INPP5A: variants seen among roughly 807,000 people sequenced by gnomAD.
INPP5A encodes inositol polyphosphate-5-phosphatase A, also known as 43 kDa inositol polyphosphate 5-phophatase.
Under a neutral mutation model 65.2 loss-of-function variants are expected in INPP5A, and 14 were observed. The observed-to-expected ratio is 0.21, with a 90% CI of 0.14 to 0.34. The LOEUF is 0.34. INPP5A is among the 10% of genes least tolerant of loss of function. The pLI is 1.00. For missense variants in INPP5A, 431 were observed against 545.6 expected (o/e 0.79, Z 2.09); for synonymous variants, 207 against 208.3 (o/e 0.99, Z 0.05).
chr10:132,770,534 C>A (rs1259446917), intron 12 of INPP5A, among the ~76,000 whole-genome samples: 1 of 152,160 alleles, frequency 6.6e-6, no homozygotes, highest in East Asian at 1.9e-4. Flanking sequence ...AGAAGAAAGC[C>A]ACATGCCACC....
At chr10:132,757,785 AC>A (rs1259400035) in intron 11 of INPP5A, among the ~76,000 whole-genome samples, 50 of 133,710 alleles carry the variant, frequency 3.7e-4, no homozygotes, top group African/African-American at 1.2e-3. Flanking sequence ...GGCTGACCCC[AC>A]AGCCCAGCAC....
Position 132,676,705 on chromosome 10 carries a change from G to A in INPP5A, c.307-13687G>A, listed in dbSNP as rs1395192062. On this transcript the variant is annotated intron_variant, in intron 4 of 15. Coordinates refer to ENST00000368594, the MANE Select transcript of INPP5A (RefSeq NM_005539.5). The surrounding 1 kb of genome is among the most constrained non-coding windows in gnomAD (Gnocchi z 4.0). ...TCCCTCCTCCTGACTCTGCTCCAAG[G>A]TGCCACCTGCCCAAGGTTCCGTCCT... Among the ~76,000 whole-genome samples, 1 of 152,098 alleles carries A rather than the reference G, an allele frequency of 6.6e-6. No homozygotes were observed. The highest frequency in any genetic ancestry group is 1.5e-5 in the Non-Finnish European group (1 of 68,010).
At chr10:132,560,756 T>A (rs905540396) in intron 1 of INPP5A, among the ~76,000 whole-genome samples, 1 of 152,132 alleles carries the variant, frequency 6.6e-6, no homozygotes, top group Non-Finnish European at 1.5e-5. Context: ...CAGGTGTGTG[T>A]CAGCATGCTT....
chr10:132,564,586 T>A (rs1189258731), intron 1 of INPP5A, among the ~76,000 whole-genome samples: 1 of 152,092 alleles, frequency 6.6e-6, no homozygotes, highest in Non-Finnish European at 1.5e-5. Context: ...AACAGTTCAG[T>A]GTTATTGGAG....
intron 8 of INPP5A, among the ~76,000 whole-genome samples, chr10:132,718,598 C>G (rs1845792109): frequency 1.3e-5 from 2 of 148,400 alleles, no homozygotes; most frequent in Admixed American, 1.4e-4. Flanking sequence ...GTCTAGGCAC[C>G]TTAGACGACT....
At position 132,650,566 on chromosome 10, in the gene INPP5A, C is replaced by G; in HGVS notation, c.306+61C>G. 3 of 1,217,862 alleles carry G rather than the reference C, an allele frequency of 2.5e-6. No homozygotes were observed. The highest frequency in any genetic ancestry group is 3.6e-6 in the Non-Finnish European group (3 of 825,998). 75.4% of individuals were successfully genotyped at this position (1,217,862 alleles called of 1,614,324 possible). ...CAGGCTGGCCTTGGCAGAAGCCAGC[C>G]CTTCTCCTGTGTAAATGGAGAGAGG... On this transcript the variant is annotated intron_variant, in intron 4 of 15. Transcript: ENST00000368594. This position sits in a 1 kb window ranked among gnomAD's most constrained non-coding sequence, Gnocchi z 5.5.
intron 1 of INPP5A, among the ~76,000 whole-genome samples, chr10:132,559,590 C>T (rs568597873): frequency 1.3e-5 from 2 of 152,300 alleles, no homozygotes; most frequent in Admixed American, 1.3e-4. Flanking sequence ...CAGCGTGTGG[C>T]CTTCGCATCG....
At chr10:132,592,163 A>T (rs576943766) in intron 1 of INPP5A, among the ~76,000 whole-genome samples, 1 of 152,202 alleles carries the variant, frequency 6.6e-6, no homozygotes, top group African/African-American at 2.4e-5. Flanking sequence ...ACAGAAAAAA[A>T]CCCCAGAAAG....
chr10:132,733,103 G>A (rs373408271), intron 9 of INPP5A, among the ~76,000 whole-genome samples: 53 of 152,278 alleles, frequency 3.5e-4, no homozygotes, highest in African/African-American at 1.1e-3. Context: ...GCTCATGGCC[G>A]CATCACCTCC....
rs1041280773 is a variant in INPP5A, at chr10:132,537,791, G to T, written c.-306G>T. 2 of 366,232 alleles carry T rather than the reference G, an allele frequency of 5.5e-6. No individual in the cohort carries two copies. Among genetic ancestry groups the T allele is most frequent in the East Asian group, 3.9e-5 (1 of 25,512 alleles). The allele number at this position is 366,232 out of a possible 1,614,324, so 22.7% of individuals were successfully genotyped here. On this transcript the variant is annotated 5_prime_UTR_variant, in exon 1 of 16. Transcript: ENST00000368594. ...GGCTCGGCTCCGCGGGGCGGGACTT[G>T]CCCTCAGCCTGAGTCGGCGGCGGCT...
intron 4 of INPP5A, among the ~76,000 whole-genome samples, chr10:132,679,512 G>T (rs889272934): frequency 6.6e-6 from 1 of 152,092 alleles, no homozygotes; most frequent in Non-Finnish European, 1.5e-5. Flanking sequence ...GGGCTCGTAG[G>T]GTACCCTGAG....
At chr10:132,743,910 G>A (rs922303604) in intron 9 of INPP5A, among the ~76,000 whole-genome samples, 3 of 152,222 alleles carry the variant, frequency 2.0e-5, no homozygotes, top group Admixed American at 6.5e-5. Flanking sequence ...TCACTCTGGC[G>A]CAGACAGACC....
intron 13 of INPP5A, 134 bp downstream of exon 13, chr10:132,777,916 C>A: frequency 6.7e-7 from 1 of 1,502,240 alleles, no homozygotes. Flanking sequence ...GGGCCCTGAC[C>A]TCGTGCTGCC....
chr10:132,606,547 T>C (rs1293472759), intron 1 of INPP5A, among the ~76,000 whole-genome samples: 2 of 152,258 alleles, frequency 1.3e-5, no homozygotes, highest in African/African-American at 4.8e-5. Context: ...CTGTGATCTG[T>C]GAAGCTCTTG....
At chr10:132,760,709 C>T (rs943055030) in intron 11 of INPP5A, among the ~76,000 whole-genome samples, 4 of 152,194 alleles carry the variant, frequency 2.6e-5, no homozygotes, top group Admixed American at 2.6e-4. Flanking sequence ...TCATGACGCC[C>T]GGGCCCCTCT....
rs1221834605 is a variant in INPP5A, at chr10:132,616,754, TGGG to T, written c.117+8801_117+8803del. The stretch of plus-strand genomic sequence containing the variant: ...GACATGGCGATGTGTCATGTGGTGA[TGGG>T]GGACGTGGCGTGGGGGATATGGGGT... On this transcript the variant is annotated intron_variant, in intron 2 of 15. Transcript: ENST00000368594. This position sits in a 1 kb window ranked among gnomAD's most constrained non-coding sequence, Gnocchi z 4.9. Among the ~76,000 whole-genome samples the T allele has an allele frequency of 4.1e-5, 6 of 147,354 alleles. No homozygotes were observed. Among genetic ancestry groups the T allele is most frequent in the African/African-American group, 1.5e-4 (6 of 39,830 alleles).
At chr10:132,780,244 C>A (rs1006578762) in intron 13 of INPP5A, among the ~76,000 whole-genome samples, 1 of 152,208 alleles carries the variant, frequency 6.6e-6, no homozygotes, top group Non-Finnish European at 1.5e-5. Flanking sequence ...CAGCAGCAAA[C>A]CCCTTCCGGA....
At chr10:132,768,496 C>T (rs924910560) in intron 12 of INPP5A, among the ~76,000 whole-genome samples, 8 of 152,266 alleles carry the variant, frequency 5.3e-5, no homozygotes, top group Admixed American at 4.6e-4. Flanking sequence ...TCCGCTTTCC[C>T]GCTGCGTCTG....
At chr10:132,544,398 C>T (rs545629463) in intron 1 of INPP5A, among the ~76,000 whole-genome samples, 3 of 152,260 alleles carry the variant, frequency 2.0e-5, no homozygotes. Context: ...GCCCTCCCTG[C>T]CCCGGTGCGG....
Sources: allele counts gnomAD v4.1 joint callset (sites outside exome capture counted in the v4.1 genomes callset), GRCh38; gene constraint gnomAD v4.1.1; non-coding constraint Gnocchi (gnomAD v3.1); transcripts MANE v1.5; gene names NCBI Gene and HGNC (gene_info 2026-07-23, HGNC 2026-07-21).